The following KRT73 variants were observed in gnomAD, a reference collection of about 807,000 sequenced individuals.
KRT73 encodes the protein keratin, type II cytoskeletal 73.
A neutral mutation model predicts 47.2 loss-of-function variants in KRT73; 44 were observed. That is an observed-to-expected ratio of 0.93 (90% CI 0.73 to 1.20). KRT73 has a LOEUF of 1.20. Ranked by LOEUF, KRT73 falls within the 50% of genes most tolerant of loss-of-function variation. The pLI is 0.00. For synonymous variants in KRT73, 285 were observed against 291.3 expected (o/e 0.98, Z 0.22); for missense variants, 713 against 704.5 (o/e 1.01, Z -0.14).
chr12:52,630,145 C>T, the KRT73 span, among the ~76,000 whole-genome samples: 1 of 152,232 alleles, frequency 6.6e-6, no homozygotes, highest in Non-Finnish European at 1.5e-5. Flanking sequence ...GTGCTCATCA[C>T]GTGCACCCTG....
Position 52,608,369 on chromosome 12 carries a change from G to A in KRT73, c.1450C>T (p.Pro484Ser). 1 of 1,613,374 alleles carries A rather than the reference G, an allele frequency of 6.2e-7. No individual in the cohort carries two copies. The highest frequency in any genetic ancestry group is 1.7e-5 in the Admixed American group (1 of 60,016). Reference protein sequence around the residue: ...FSNAGTYGYWPSSVSGGYSML... With the variant: ...FSNAGTYGYWSSSVSGGYSML... ...CTGTAGCCCCCGCTGACAGAGCTGG[G>A]CCAGTAGCCGTAGGTGCCAGCATTG... is the stretch of plus-strand genomic sequence containing the variant. Residue 484 changes from proline to serine, a missense_variant, in exon 9 of 9, where the codon CCC becomes TCC. Pro to Ser is a moderately conservative substitution (Grantham distance 74). Transcript: ENST00000305748.
intron 7 of KRT73, 35 bp downstream of exon 7, chr12:52,610,580 C>G: frequency 1.8e-6 from 2 of 1,112,866 alleles, no homozygotes; most frequent in Non-Finnish European, 2.4e-6. Flanking sequence ...AAGGTGGAGA[C>G]TTGCAGTTTC....
intron 5 of KRT73, chr12:52,613,480 G>A (rs1940744882): frequency 2.3e-6 from 2 of 865,632 alleles, no homozygotes; most frequent in Non-Finnish European, 3.3e-6. Context: ...GCACTCAGCT[G>A]AGTGCATCCT....
At chr12:52,610,491 T>C in intron 7 of KRT73, 124 bp downstream of exon 7, 1 of 894,060 alleles carries the variant, frequency 1.1e-6, no homozygotes, top group Non-Finnish European at 1.7e-6. Context: ...TGTTTGAAAC[T>C]ATGCTTGTGG....
At chr12:52,609,900 A>G (rs1434995849) in intron 7 of KRT73, 1 of 153,234 alleles carries the variant, frequency 6.5e-6, no homozygotes, top group African/African-American at 2.4e-5. Context: ...CCAAATAAGA[A>G]AAAAAGTAGC....
chr12:52,626,116 C>T, the KRT73 span, among the ~76,000 whole-genome samples: 6 of 152,246 alleles, frequency 3.9e-5, no homozygotes, highest in East Asian at 1.9e-4. Flanking sequence ...TTGTGATATG[C>T]GATAGTACAT....
chr12:52,613,763 A>G lies in KRT73; in HGVS notation c.909T>C (p.Ile303=), dbSNP rs61736103. 1.0e-4 allele frequency: 166 copies of G among 1,614,076 alleles called. No homozygotes were observed. The highest frequency in any genetic ancestry group is 2.3e-5 in the Non-Finnish European group (27 of 1,180,034). Residue 303 remains isoleucine (I), a synonymous_variant, in exon 5 of 9, where the codon ATT becomes ATC. Transcript: ENST00000305748. ...NNRNLDLDSI[I]AEVRAQYEEI... The stretch of plus-strand genomic sequence containing the variant: ...CCTCATACTGGGCACGGACCTCAGC[A>G]ATGATGCTGTCCAGGTCCAGGTTCC...
intron 1 of KRT73, among the ~76,000 whole-genome samples, 178 bp downstream of exon 1, chr12:52,617,900 A>G (rs1368041995): frequency 6.6e-5 from 10 of 152,188 alleles, no homozygotes; most frequent in Admixed American, 6.5e-4. Flanking sequence ...CTACGGCATG[A>G]GCAAGCCTTA....
At chr12:52,619,264 C>T (rs1006126113), upstream of KRT73, among the ~76,000 whole-genome samples, 3 of 152,222 alleles carry the variant, frequency 2.0e-5, no homozygotes, top group African/African-American at 7.2e-5. Context: ...GCACCATTCA[C>T]GATGGCTGAC....
chr12:52,611,481 A>C (rs1940702499), intron 5 of KRT73, 152 bp from the exon 6 acceptor site: 1 of 806,082 alleles, frequency 1.2e-6, no homozygotes, highest in African/African-American at 1.7e-5. Context: ...CCATTAAAGC[A>C]TTGGGCCATT....
At position 52,614,652 on chromosome 12, in the gene KRT73, C is replaced by G; in HGVS notation, c.746G>C (p.Ser249Thr). 6.2e-7 allele frequency: 1 copy of G among 1,613,848 alleles called. No homozygotes were observed. Residue 249 changes from serine (S) to threonine (T), a missense_variant, in exon 4 of 9, where the codon AGC becomes ACC. Coordinates refer to ENST00000305748, the MANE Select transcript of KRT73 (RefSeq NM_175068.3). ...LKKDVDAAYT[S>T]KVELQAKVDA... ...CACCTTGGCCTGCAGCTCCACTTTG[C>G]TCGTGTAAGCTGCGTCCACGTCCTA... is the stretch of plus-strand genomic sequence containing the variant.
intron 5 of KRT73, among the ~76,000 whole-genome samples, chr12:52,611,783 C>T (rs1940708699): frequency 1.3e-5 from 2 of 152,138 alleles, no homozygotes; most frequent in Admixed American, 6.5e-5. Flanking sequence ...GAGTCTTTGC[C>T]TGAGCCTCTC....
chr12:52,620,830 A>T (rs1417928228), upstream of KRT73, among the ~76,000 whole-genome samples: 1 of 152,204 alleles, frequency 6.6e-6, no homozygotes, highest in African/African-American at 2.4e-5. Flanking sequence ...TTGTCCAAAC[A>T]ACAGCATCTA....
the KRT73 span, among the ~76,000 whole-genome samples, chr12:52,628,535 A>T: frequency 6.6e-6 from 1 of 152,238 alleles, no homozygotes; most frequent in African/African-American, 2.4e-5. Flanking sequence ...GCAGATAATC[A>T]GTACCATGGC....
chr12:52,619,968 C>T (rs1480441540), upstream of KRT73, among the ~76,000 whole-genome samples: 1 of 152,194 alleles, frequency 6.6e-6, no homozygotes, highest in East Asian at 1.9e-4. Flanking sequence ...CAAATTCAAC[C>T]TCCCCTCTGT....
intron 6 of KRT73, 86 bp downstream of exon 6, chr12:52,611,118 A>G: frequency 2.6e-6 from 4 of 1,517,928 alleles, no homozygotes; most frequent in Non-Finnish European, 3.6e-6. Context: ...TCTGAAATGG[A>G]TGCTCAAGAG....
upstream of KRT73, among the ~76,000 whole-genome samples, chr12:52,621,729 T>C (rs547657582): frequency 5.3e-5 from 8 of 152,312 alleles, no homozygotes; most frequent in Admixed American, 2.6e-4. Flanking sequence ...GAAAATACTA[T>C]GGTTTCACCT....
At chr12:52,620,117 T>C (rs1003211202), upstream of KRT73, among the ~76,000 whole-genome samples, 6 of 144,938 alleles carry the variant, frequency 4.1e-5, no homozygotes, top group African/African-American at 1.5e-4. Flanking sequence ...TTCTTTTTTT[T>C]TTTTTTTTTT....
the KRT73 span, among the ~76,000 whole-genome samples, chr12:52,625,918 T>C: frequency 6.6e-6 from 1 of 152,054 alleles, no homozygotes; most frequent in Non-Finnish European, 1.5e-5. Flanking sequence ...ATTTATGTAA[T>C]ACTCTCAAAA....
Sources: gnomAD v4.1 joint callset for allele counts (sites outside exome capture counted in the v4.1 genomes callset) on GRCh38, gnomAD v4.1.1 for gene constraint, MANE v1.5 for transcripts, NCBI Gene and HGNC (gene_info 2026-07-23, HGNC 2026-07-21) for gene names.